Variants in CDH18 observed in about 807,000 individuals in gnomAD.
CDH18 encodes the protein cadherin 18.
CDH18 carries 31 observed loss-of-function variants against 67.9 expected under a neutral mutation model. The ratio of observed to expected loss-of-function variants is 0.46; its 90% confidence interval spans 0.34 to 0.62. CDH18 has a LOEUF of 0.62. CDH18 is among the 20% of genes least tolerant of loss of function. The pLI, the probability that CDH18 is intolerant of heterozygous loss-of-function variation, is 0.01. For missense variants in CDH18, 890 were observed against 975.5 expected (o/e 0.91, Z 1.17); for synonymous variants, 362 against 347.2 (o/e 1.04, Z -0.48).
intron 2 of CDH18, among the ~76,000 whole-genome samples, chr5:19,923,690 A>G (rs1260525094): frequency 1.3e-5 from 2 of 152,186 alleles, no homozygotes; most frequent in African/African-American, 4.8e-5. Flanking sequence ...AGAACAAACA[A>G]CTGAGCTAAA....
intron 7 of CDH18, among the ~76,000 whole-genome samples, chr5:19,576,675 A>G (rs1742360206): frequency 6.6e-6 from 1 of 152,194 alleles, no homozygotes; most frequent in South Asian, 2.1e-4. Flanking sequence ...GGAAAAAAGT[A>G]TGAAGGTTCC....
chr5:20,164,594 C>T (rs959124034), intron 2 of CDH18, among the ~76,000 whole-genome samples: 11 of 152,166 alleles, frequency 7.2e-5, no homozygotes, highest in African/African-American at 2.6e-4. Context: ...TTAAGTGATA[C>T]ATAAAATAAA....
At chr5:20,523,676 G>A (rs915227484) in intron 1 of CDH18, among the ~76,000 whole-genome samples, 3 of 152,030 alleles carry the variant, frequency 2.0e-5, no homozygotes, top group African/African-American at 4.8e-5. Context: ...AAGTAGCTGG[G>A]TTACAGGCAT....
chr5:19,545,105 AT>A (rs963528597), intron 8 of CDH18, among the ~76,000 whole-genome samples: 18 of 152,326 alleles, frequency 1.2e-4, no homozygotes, highest in Non-Finnish European at 2.2e-4. Flanking sequence ...TTCTTCAACT[AT>A]TTAAGGAGAT....
chr5:19,901,513 A>G (rs944163915), intron 2 of CDH18, among the ~76,000 whole-genome samples: 1 of 152,132 alleles, frequency 6.6e-6, no homozygotes, highest in Non-Finnish European at 1.5e-5. Flanking sequence ...TACTATGGAT[A>G]GTCCCAAGTT....
At chr5:20,138,116 A>G (rs1749897476) in intron 2 of CDH18, among the ~76,000 whole-genome samples, 1 of 152,094 alleles carries the variant, frequency 6.6e-6, no homozygotes, top group African/African-American at 2.4e-5. Context: ...CTTATCCACC[A>G]TGATCTAGTT....
intron 2 of CDH18, among the ~76,000 whole-genome samples, chr5:20,051,812 T>A (rs1240954331): frequency 6.6e-6 from 1 of 152,070 alleles, no homozygotes; most frequent in Non-Finnish European, 1.5e-5. Context: ...ATGAGTAACA[T>A]CTTTTTCACA....
chr5:19,583,811 T>A (rs985255329), intron 7 of CDH18, among the ~76,000 whole-genome samples: 3 of 152,110 alleles, frequency 2.0e-5, no homozygotes, highest in Non-Finnish European at 4.4e-5. Context: ...ATGTCATAGA[T>A]CTCCTAAATG....
At chr5:19,963,128 C>T (rs1016687828) in intron 2 of CDH18, among the ~76,000 whole-genome samples, 2 of 152,110 alleles carry the variant, frequency 1.3e-5, no homozygotes, top group Non-Finnish European at 2.9e-5. Flanking sequence ...CAAATACAAG[C>T]TAATGTCTAT....
At chr5:20,552,289 C>T (rs955624713) in intron 1 of CDH18, among the ~76,000 whole-genome samples, 2 of 151,858 alleles carry the variant, frequency 1.3e-5, no homozygotes, top group Admixed American at 1.3e-4. Context: ...CCAGCATGGC[C>T]AACATGGTAA....
At chr5:19,505,798 G>T (rs1291312859) in intron 10 of CDH18, among the ~76,000 whole-genome samples, 2 of 152,014 alleles carry the variant, frequency 1.3e-5, no homozygotes, top group Non-Finnish European at 2.9e-5. Flanking sequence ...TTGTGTCTCT[G>T]CCAGGCTTTG....
At chr5:20,294,090 G>C (rs984511051) in intron 1 of CDH18, among the ~76,000 whole-genome samples, 5 of 152,124 alleles carry the variant, frequency 3.3e-5, no homozygotes, top group African/African-American at 1.2e-4. Flanking sequence ...ATAGTAAACA[G>C]AAGTTGCACT....
chr5:19,806,913 T>C (rs911255015), intron 3 of CDH18, among the ~76,000 whole-genome samples: 1 of 152,160 alleles, frequency 6.6e-6, no homozygotes, highest in African/African-American at 2.4e-5. Context: ...GGAAACCCTA[T>C]AAAGTGTAGT....
intron 1 of CDH18, among the ~76,000 whole-genome samples, chr5:20,326,789 C>T (rs1190252259): frequency 6.6e-6 from 1 of 152,186 alleles, no homozygotes; most frequent in Non-Finnish European, 1.5e-5. Flanking sequence ...GATCTGCCAG[C>T]CTTGGCCTCC....
chr5:20,358,858 A>C (rs1469750796), intron 1 of CDH18, among the ~76,000 whole-genome samples: 1 of 152,122 alleles, frequency 6.6e-6, no homozygotes, highest in Non-Finnish European at 1.5e-5. Context: ...ATGTACATAT[A>C]AAAATATTCA....
chr5:19,648,729 A>T (rs13174503), intron 5 of CDH18, among the ~76,000 whole-genome samples: 2 of 151,702 alleles, frequency 1.3e-5, no homozygotes, highest in Non-Finnish European at 2.9e-5. Context: ...AAAAAAGCTT[A>T]GCTTCGAACC....
intron 1 of CDH18, among the ~76,000 whole-genome samples, chr5:20,488,097 A>C (rs143193196): frequency 6.6e-6 from 1 of 152,286 alleles, no homozygotes; most frequent in Non-Finnish European, 1.5e-5. Flanking sequence ...GCTCCTGGGA[A>C]GATTCTTTTT....
At chr5:20,356,859 A>T (rs191450242) in intron 1 of CDH18, among the ~76,000 whole-genome samples, 10 of 148,324 alleles carry the variant, frequency 6.7e-5, no homozygotes, top group Non-Finnish European at 1.5e-5. Flanking sequence ...ATACACACAC[A>T]TACATATATA....
chr5:19,994,736 TATAGAGAGAGAGAGAGAGAGAGAGAG>T (rs1429371259), intron 2 of CDH18, among the ~76,000 whole-genome samples: 16 of 8,950 alleles, frequency 1.8e-3, no homozygotes, highest in South Asian at 6.9e-3. Flanking sequence ...TATATATATA[TATAGAGAGAGAGAGAGAGAGAGAGAG>T]AGAGAGAGAG....
Sources: allele counts gnomAD v4.1 joint callset (sites outside exome capture counted in the v4.1 genomes callset), GRCh38; gene constraint gnomAD v4.1.1; transcripts MANE v1.5; gene names NCBI Gene and HGNC (gene_info 2026-07-23, HGNC 2026-07-21).